Variants in FAM186A observed in about 807,000 individuals in gnomAD.
The protein encoded by FAM186A is protein FAM186A.
Under a neutral mutation model 216.8 loss-of-function variants are expected in FAM186A, and 163 were observed. The ratio of observed to expected loss-of-function variants is 0.75; its 90% confidence interval spans 0.66 to 0.86. The LOEUF is 0.86. FAM186A is among the 40% of genes least tolerant of loss of function. The pLI, the probability that FAM186A is intolerant of heterozygous loss-of-function variation, is 0.00. For missense variants in FAM186A, 2,184 were observed against 2,746.2 expected (o/e 0.80, Z 4.58); for synonymous variants, 805 against 1,025.3 (o/e 0.79, Z 4.10).
intron 4 of FAM186A, among the ~76,000 whole-genome samples, chr12:50,344,778 G>A (rs952267377): frequency 6.6e-6 from 1 of 152,028 alleles, no homozygotes; most frequent in Non-Finnish European, 1.5e-5. Flanking sequence ...ACTAGCCTGG[G>A]AAACATAGTA....
chr12:50,382,730 C>A lies in FAM186A; in HGVS notation c.192+13563G>T, dbSNP rs1245243724. On this transcript the variant is annotated intron_variant, in intron 1 of 7. Coordinates refer to ENST00000327337, the MANE Select transcript of FAM186A (RefSeq NM_001145475.3). The stretch of plus-strand genomic sequence containing the variant: ...ATAAAATAAATAAATAAATAAAAAG[C>A]AAAATAGAAGTTTAGATTTTAATAA... Among the ~76,000 whole-genome samples, 5 of 151,944 alleles carry A rather than the reference C, an allele frequency of 3.3e-5. No individual in the cohort carries two copies. The East Asian group carries it at 9.7e-4, about 30-fold the overall frequency.
intron 2 of FAM186A, among the ~76,000 whole-genome samples, chr12:50,361,734 C>A (rs928602407): frequency 2.0e-4 from 30 of 151,030 alleles, no homozygotes; most frequent in Admixed American, 9.9e-4. Context: ...CCACACCCAG[C>A]TAATTTTTGA....
intron 1 of FAM186A, among the ~76,000 whole-genome samples, chr12:50,395,043 A>G (rs904097655): frequency 2.0e-5 from 3 of 151,358 alleles, no homozygotes; most frequent in African/African-American, 7.3e-5. Context: ...CTTTCCTTAA[A>G]CATAGGAAAG....
intron 1 of FAM186A, among the ~76,000 whole-genome samples, chr12:50,389,811 T>G (rs1943341044): frequency 6.6e-6 from 1 of 152,204 alleles, no homozygotes; most frequent in African/African-American, 2.4e-5. Context: ...AAAATCCATC[T>G]GTATTCTTTA....
chr12:50,330,594 G>A lies in FAM186A; in HGVS notation c.7013C>T (p.Ser2338Phe). The part of the protein sequence containing the change: ...QLEVQSTFRK[S>F]LASLQSRVKK... ...TTACCGTGATTGGAGGGATGCAAGA[G>A]ATTTTCGGAAGGTAGACTGCACTTC... The change falls in exon 7 of 8, where the codon TCT (serine) becomes TTT (phenylalanine). Residue 2338 changes from serine to phenylalanine, a missense_variant. By Grantham distance (155) the Ser-to-Phe change is radical (BLOSUM62 -2). Transcript: ENST00000327337. The A allele has an allele frequency of 6.4e-7, 1 of 1,550,688 alleles. No individual in the cohort carries two copies.
chr12:50,377,079 G>A (rs59210472), intron 1 of FAM186A, among the ~76,000 whole-genome samples: 19,653 of 151,952 alleles, frequency 0.13, 2,168 homozygotes, highest in African/African-American at 0.29. Flanking sequence ...CAATTTAAAG[G>A]GGCAATCTTC....
At position 50,363,299 on chromosome 12, in the gene FAM186A, A is replaced by T; in HGVS notation, c.258T>A (p.Leu86=). The change falls in exon 2 of 8, where the codon CTT becomes CTA. Residue 86 remains leucine, a synonymous_variant. Coordinates refer to ENST00000327337, the MANE Select transcript of FAM186A (RefSeq NM_001145475.3). ...TCCTTTCAGAGGACGAGTTAAAAAC[A>T]AGAGTATAGCGAGTCATTATCCGAT... The part of the protein sequence containing the change: ...NVHRIMTRYT[L]VFNSSSERNV... The T allele has an allele frequency of 6.4e-7, 1 of 1,551,574 alleles. No homozygotes were observed. Among genetic ancestry groups the T allele is most frequent in the Non-Finnish European group, 8.7e-7 (1 of 1,146,960 alleles).
At chr12:50,379,483 A>C (rs1299810545) in intron 1 of FAM186A, among the ~76,000 whole-genome samples, 21 of 139,116 alleles carry the variant, frequency 1.5e-4, no homozygotes, top group African/African-American at 4.5e-4. Context: ...CAAAAACAAA[A>C]ACAAAAAAAA....
At chr12:50,372,010 C>A (rs1943146187) in intron 1 of FAM186A, among the ~76,000 whole-genome samples, 2 of 151,968 alleles carry the variant, frequency 1.3e-5, no homozygotes, top group African/African-American at 2.4e-5. Flanking sequence ...CGGGGTTTCA[C>A]CATGTTGGTC....
chr12:50,364,563 A>AAATG (rs2136098428), intron 1 of FAM186A, among the ~76,000 whole-genome samples: 1 of 148,684 alleles, frequency 6.7e-6, no homozygotes, highest in Admixed American at 6.8e-5. Flanking sequence ...GTCTAAAAAT[A>AAATG]AATAAATAAA....
chr12:50,388,813 G>A (rs1943329722), intron 1 of FAM186A, among the ~76,000 whole-genome samples: 1 of 152,096 alleles, frequency 6.6e-6, no homozygotes, highest in African/African-American at 2.4e-5. Context: ...AGCACTTTGG[G>A]AGGTCGAAGC....
At chr12:50,328,460 A>G (rs1942625705) in intron 7 of FAM186A, among the ~76,000 whole-genome samples, 1 of 152,174 alleles carries the variant, frequency 6.6e-6, no homozygotes. Context: ...AGCATAGAAA[A>G]ATTTCAAAGC....
At chr12:50,368,595 C>A (rs888295248) in intron 1 of FAM186A, among the ~76,000 whole-genome samples, 4 of 151,958 alleles carry the variant, frequency 2.6e-5, no homozygotes, top group African/African-American at 9.7e-5. Context: ...CTACCCAAAC[C>A]AATCTACAGA....
chr12:50,369,990 G>C (rs934132624), intron 1 of FAM186A, among the ~76,000 whole-genome samples: 2 of 151,914 alleles, frequency 1.3e-5, no homozygotes, highest in East Asian at 1.9e-4. Flanking sequence ...CGGGCGTGGT[G>C]GTGGGCGCCT....
At chr12:50,368,908 G>T (rs1396136190) in intron 1 of FAM186A, among the ~76,000 whole-genome samples, 1 of 151,080 alleles carries the variant, frequency 6.6e-6, no homozygotes, top group Non-Finnish European at 1.5e-5. Flanking sequence ...ATAGCATAAG[G>T]TTAAATTATT....
Position 50,329,741 on chromosome 12 carries a change from C to T in FAM186A, c.7034+832G>A, listed in dbSNP as rs7312707. Among the ~76,000 whole-genome samples the T allele has an allele frequency of 3.9e-3, 598 of 152,096 alleles. 4 individuals carry two copies. The highest frequency in any genetic ancestry group is 0.013 in the African/African-American group (551 of 41,482). ...GCCTCTGAGTAGCTGGGATTACAGACGTACACCATCATGCCCAGCTAATGT... is the reference window on the plus strand; with the variant it reads ...GCCTCTGAGTAGCTGGGATTACAGATGTACACCATCATGCCCAGCTAATGT... On this transcript the variant is annotated intron_variant, in intron 7 of 7. Coordinates refer to ENST00000327337, the MANE Select transcript of FAM186A (RefSeq NM_001145475.3).
At chr12:50,384,770 T>TTACA (rs1943286384) in intron 1 of FAM186A, among the ~76,000 whole-genome samples, 1 of 152,066 alleles carries the variant, frequency 6.6e-6, no homozygotes, top group Non-Finnish European at 1.5e-5. Context: ...GACTCTAAAC[T>TTACA]TACACCATAT....
At chr12:50,330,360 TC>T (rs1942644258) in intron 7 of FAM186A, among the ~76,000 whole-genome samples, 1 of 152,190 alleles carries the variant, frequency 6.6e-6, no homozygotes, top group South Asian at 2.1e-4. Context: ...TTTACATTAT[TC>T]AGTGGTGACA....
intron 1 of FAM186A, among the ~76,000 whole-genome samples, chr12:50,385,075 G>A (rs1943289281): frequency 6.6e-6 from 1 of 151,384 alleles, no homozygotes; most frequent in African/African-American, 2.4e-5. Flanking sequence ...AAAGTGCTGG[G>A]ATTACAGACA....
Sources: gnomAD v4.1 joint callset for allele counts (sites outside exome capture counted in the v4.1 genomes callset) on GRCh38, gnomAD v4.1.1 for gene constraint, MANE v1.5 for transcripts, NCBI Gene and HGNC (gene_info 2026-07-23, HGNC 2026-07-21) for gene names.